PCDHGB3: variants seen among roughly 807,000 people sequenced by gnomAD.
PCDHGB3 encodes the protein protocadherin gamma-B3.
Under a neutral mutation model 59.2 loss-of-function variants are expected in PCDHGB3, and 40 were observed. That is an observed-to-expected ratio of 0.68 (90% CI 0.52 to 0.88). PCDHGB3 has a LOEUF of 0.88. PCDHGB3 is among the 40% of genes least tolerant of loss of function. The probability of loss-of-function intolerance (pLI) is 0.00; values close to 1 mark genes in which losing one functional copy is unlikely to be tolerated. For synonymous variants in PCDHGB3, 581 were observed against 503.6 expected, an observed-to-expected ratio of 1.15 and a Z score of -2.06; for missense variants, 1,309 against 1,187.9, an observed-to-expected ratio of 1.10 and a Z score of -1.50.
Position 141,511,066 on chromosome 5 carries a change from C to T in PCDHGB3, c.2683C>T (p.Pro895Ser). Residue 895 changes from proline to serine, a missense_variant, in exon 4 of 4, where the codon CCA (proline) becomes TCA (serine). Physicochemically the swap from Pro to Ser is moderately conservative, Grantham distance 74. Transcript: ENST00000576222. The part of the protein sequence containing the change: ...VPDYRQNVYI[P>S]GSNATLTNAA... ...CGACTACCGCCAGAATGTCTACATC[C>T]CAGGCAGCAATGCCACACTGACCAA... 1.2e-6 allele frequency: 2 copies of T among 1,614,230 alleles called. No individual in the cohort carries two copies. Among genetic ancestry groups the T allele is most frequent in the Non-Finnish European group, 1.7e-6 (2 of 1,180,036 alleles).
At chr5:141,404,205 A>G in intron 1 of PCDHGB3, 3 of 1,613,770 alleles carry the variant, frequency 1.9e-6, no homozygotes, top group Non-Finnish European at 1.7e-6. Context: ...GCCTCAGAAT[A>G]TAATATCACG....
chr5:141,432,452 C>G lies in PCDHGB3; in HGVS notation c.2415+59643C>G. The G allele has an allele frequency of 6.2e-7, 1 of 1,614,212 alleles. No individual in the cohort carries two copies. The highest frequency in any genetic ancestry group is 8.5e-7 in the Non-Finnish European group (1 of 1,180,042). On this transcript the variant is annotated intron_variant, in intron 1 of 3. Coordinates refer to ENST00000576222, the MANE Select transcript of PCDHGB3 (RefSeq NM_018924.5). The surrounding 1 kb of genome is among the most constrained non-coding windows in gnomAD (Gnocchi z 6.0). ...CGACAATGCGCCCGAGATCCTGTACCCCGCCCTCCCCACGGACGGTTCCAC... is the reference window on the plus strand; with the variant it reads ...CGACAATGCGCCCGAGATCCTGTACGCCGCCCTCCCCACGGACGGTTCCAC...
chr5:141,401,211 G>A (rs1180713351), intron 1 of PCDHGB3, among the ~76,000 whole-genome samples: 5 of 151,994 alleles, frequency 3.3e-5, no homozygotes, highest in South Asian at 2.1e-4. Context: ...GTGTGGTGGC[G>A]GGCGCCTGTA....
chr5:141,426,418 T>C (rs1445827088), intron 1 of PCDHGB3: 2 of 288,504 alleles, frequency 6.9e-6, no homozygotes, highest in Non-Finnish European at 1.4e-5. Flanking sequence ...GGTCCAGGGC[T>C]CCGTGGTGGG....
rs200072718 is a variant in PCDHGB3 at position 141,389,516 on chromosome 5, G to C, written c.2415+16707G>C. 4,499 of 1,613,168 alleles carry C rather than the reference G, an allele frequency of 2.8e-3. 16 individuals are homozygous for C. Among genetic ancestry groups the C allele is most frequent in the Non-Finnish European group, 3.4e-3 (4,037 of 1,179,766 alleles). The stretch of plus-strand genomic sequence containing the variant: ...GCTCGCCAGCGCTCAGCGCGAACGT[G>C]AGCCTGCGCGTGTTAGTGGACGACC... On this transcript the variant is annotated intron_variant, in intron 1 of 3. Coordinates refer to ENST00000576222, the MANE Select transcript of PCDHGB3 (RefSeq NM_018924.5).
Position 141,403,510 on chromosome 5 carries a change from C to T in PCDHGB3, c.2415+30701C>T, listed in dbSNP as rs201146573. ...TCTCCCTGAACGTGCAGACTGGAGA[C>T]AATGGAGCCATAAACCCAGAGCTGG... On this transcript the variant is annotated intron_variant, in intron 1 of 3. Transcript: ENST00000576222. 9.2e-4 allele frequency: 1,478 copies of T among 1,614,022 alleles called. 1 individual carries two copies. Among genetic ancestry groups the T allele is most frequent in the Non-Finnish European group, 1.2e-3 (1,414 of 1,179,888 alleles).
rs1036344847 is a variant in PCDHGB3 at position 141,424,050 on chromosome 5, C to G, written c.2415+51241C>G. 9.9e-6 allele frequency: 10 copies of G among 1,014,084 alleles called. No homozygotes were observed. The African/African-American group carries it at 1.6e-4, about 16-fold the overall frequency. The allele number at this position is 1,014,084 out of a possible 1,614,324, so 62.8% of individuals were successfully genotyped here. A position where few individuals can be genotyped will look rare whatever the true frequency, so the allele number is the denominator to read the frequency against. ...ACTTTTTATTTCCATTTCAATTTTG[C>G]TGTGCCTTCACTGATTTGTAGTTAT... On this transcript the variant is annotated intron_variant, in intron 1 of 3. Coordinates refer to ENST00000576222, the MANE Select transcript of PCDHGB3 (RefSeq NM_018924.5).
intron 1 of PCDHGB3, chr5:141,400,265 G>T (rs2093992954): frequency 6.2e-7 from 1 of 1,613,876 alleles, no homozygotes. Context: ...CGCCTGCGAC[G>T]CTCCTCCAGC....
In PCDHGB3 at chr5:141,476,208, C is replaced by A. The variant is rs1266601125; in HGVS notation, c.2416-18599C>A. 1.2e-6 allele frequency: 2 copies of A among 1,613,912 alleles called. No homozygotes were observed. Among genetic ancestry groups the A allele is most frequent in the East Asian group, 4.5e-5 (2 of 44,826 alleles). On this transcript the variant is annotated intron_variant, in intron 1 of 3. Coordinates refer to ENST00000576222, the MANE Select transcript of PCDHGB3 (RefSeq NM_018924.5). The surrounding 1 kb of genome is among the most constrained non-coding windows in gnomAD (Gnocchi z 7.6). ...CTTGGTGCCTTGAACAAGGCTTCCA[C>A]GGTCATTCACTATGAGATCCCGGAG...
chr5:141,411,766 C>A (rs796623075), intron 1 of PCDHGB3: 1 of 152,454 alleles, frequency 6.6e-6, no homozygotes, highest in South Asian at 2.1e-4. Context: ...CCTGTGGTCT[C>A]AGCTACTCTG....
At chr5:141,389,235 TCA>T (rs2091656158) in intron 1 of PCDHGB3, 4 of 1,614,080 alleles carry the variant, frequency 2.5e-6, no homozygotes, top group Non-Finnish European at 2.5e-6. Flanking sequence ...TCCGGTTTTC[TCA>T]CAGTCTTCCT....
intron 1 of PCDHGB3, chr5:141,388,306 A>G (rs1315280677): frequency 6.2e-7 from 1 of 1,613,826 alleles, no homozygotes; most frequent in South Asian, 1.1e-5. Flanking sequence ...TTTGAGCTGC[A>G]AATAAGTGAG....
At chr5:141,418,572 A>G (rs777784393) in intron 1 of PCDHGB3, 5 of 1,613,794 alleles carry the variant, frequency 3.1e-6, no homozygotes, top group Non-Finnish European at 4.2e-6. Flanking sequence ...GCCAATGACA[A>G]CCCCCCAGTG....
chr5:141,511,428 G>T lies in PCDHGB3; in HGVS notation c.*255G>T. 1 of 769,024 alleles carries T rather than the reference G, an allele frequency of 1.3e-6. No homozygotes were observed. The highest frequency in any genetic ancestry group is 2.0e-6 in the Non-Finnish European group (1 of 504,448). 47.6% of individuals were successfully genotyped at this position (769,024 alleles called of 1,614,324 possible). ...ACTGCTGTACCCATGGGGGTAGTGG[G>T]GTTACTGTAGACACCAAGAACCATT... On this transcript the variant is annotated 3_prime_UTR_variant, in exon 4 of 4. Transcript: ENST00000576222.
intron 1 of PCDHGB3, among the ~76,000 whole-genome samples, chr5:141,480,195 G>C (rs1350891459): frequency 6.6e-6 from 1 of 151,182 alleles, no homozygotes; most frequent in African/African-American, 2.4e-5. Flanking sequence ...CTTGAGGCCA[G>C]CAGTTCAAGA....
rs530622003 is a variant in PCDHGB3, at chr5:141,437,077, T to G, written c.2416-57730T>G. ...TGATCATTATTTGGTTTGGGCCATA[T>G]AAGAATTGAAACTAACGGCTTAGCT... On this transcript the variant is annotated intron_variant, in intron 1 of 3. Transcript: ENST00000576222. Among the ~76,000 whole-genome samples, 107 of 152,372 alleles carry G rather than the reference T, an allele frequency of 7.0e-4. 1 individual carries two copies. The highest frequency in any genetic ancestry group is 6.4e-3 in the South Asian group (31 of 4,828).
chr5:141,394,580 C>G, intron 1 of PCDHGB3: 1 of 1,613,914 alleles, frequency 6.2e-7, no homozygotes, highest in Non-Finnish European at 8.5e-7. Flanking sequence ...ACCTGGTGAC[C>G]AAGGTGGTGG....
intron 1 of PCDHGB3, among the ~76,000 whole-genome samples, chr5:141,467,341 C>T (rs1169830103): frequency 6.6e-6 from 1 of 152,214 alleles, no homozygotes; most frequent in Non-Finnish European, 1.5e-5. Context: ...ACGTAAGCCA[C>T]TGCCCCCGGC....
chr5:141,375,257 T>C, intron 1 of PCDHGB3: 1 of 1,613,890 alleles, frequency 6.2e-7, no homozygotes, highest in Middle Eastern at 1.6e-4. Flanking sequence ...AAGTCTCCCA[T>C]TTGAATTGGA....
Sources: allele counts gnomAD v4.1 joint callset (sites outside exome capture counted in the v4.1 genomes callset), GRCh38; gene constraint gnomAD v4.1.1; non-coding constraint Gnocchi (gnomAD v3.1); transcripts MANE v1.5; gene names NCBI Gene and HGNC (gene_info 2026-07-23, HGNC 2026-07-21).